Variants in IVD observed in about 807,000 individuals in gnomAD.
The protein encoded by IVD is isovaleryl-CoA dehydrogenase, mitochondrial.
A neutral mutation model predicts 51.3 loss-of-function variants in IVD; 31 were observed. That is an observed-to-expected ratio of 0.60 (90% CI 0.45 to 0.81). The LOEUF is 0.81. IVD is among the 40% of genes least tolerant of loss of function. IVD has a pLI of 0.00. For synonymous variants in IVD, 205 were observed against 219.4 expected (o/e 0.93, Z 0.58); for missense variants, 475 against 552.0 (o/e 0.86, Z 1.40).
chr15:40,435,905 T>G (rs1170332191), downstream of IVD: 2 of 155,758 alleles, frequency 1.3e-5, no homozygotes, highest in Non-Finnish European at 2.8e-5. Context: ...TCCCTCGTCC[T>G]CAGCAGCCAT....
chr15:40,426,564 C>T (rs965435460), downstream of IVD, among the ~76,000 whole-genome samples: 22 of 151,834 alleles, frequency 1.4e-4, no homozygotes, highest in African/African-American at 3.4e-4. Flanking sequence ...AAGAAAAAAC[C>T]ATTCCTGTGG....
chr15:40,425,440 CTATATATATATATA>C (rs72252183), downstream of IVD, among the ~76,000 whole-genome samples: 1 of 137,834 alleles, frequency 7.3e-6, no homozygotes, highest in African/African-American at 3.1e-5. Context: ...TGGACTCATA[CTATATATATATATA>C]TATATATATA....
downstream of IVD, among the ~76,000 whole-genome samples, chr15:40,422,469 G>C (rs989965149): frequency 6.6e-6 from 1 of 151,008 alleles, no homozygotes; most frequent in African/African-American, 2.4e-5. Flanking sequence ...ATTTTTAGTA[G>C]AGACGGGGTT....
At chr15:40,427,754 GA>G (rs1383830657), downstream of IVD, among the ~76,000 whole-genome samples, 1 of 152,164 alleles carries the variant, frequency 6.6e-6, no homozygotes, top group African/African-American at 2.4e-5. Context: ...CCTGAAATGA[GA>G]AAAGGGTAGT....
intron 1 of IVD, chr15:40,406,212 G>C (rs1217409705): frequency 1.3e-6 from 2 of 1,519,688 alleles, no homozygotes; most frequent in Non-Finnish European, 1.8e-6. Flanking sequence ...ACTGCTGGAA[G>C]TAGAGAGGAG....
rs186670312 is a variant in IVD at position 40,420,102 on chromosome 15, C to G, written c.*1839C>G. ...TGGGCAACAGAGTGAGACTCTGTCTCAAAAAATAATAATAAAATAAATGAA... is the reference window on the plus strand; with the variant it reads ...TGGGCAACAGAGTGAGACTCTGTCTGAAAAAATAATAATAAAATAAATGAA... On this transcript the variant is annotated 3_prime_UTR_variant, in exon 12 of 12. Coordinates refer to ENST00000487418, the MANE Select transcript of IVD (RefSeq NM_002225.5). 1.9e-4 allele frequency: 188 copies of G among 983,730 alleles called. No homozygotes were observed. Among genetic ancestry groups the G allele is most frequent in the Non-Finnish European group, 2.1e-4 (178 of 828,494 alleles). The allele number at this position is 983,730 out of a possible 1,614,324, so 60.9% of individuals were successfully genotyped here. A position where few individuals can be genotyped will look rare whatever the true frequency, so the allele number is the denominator to read the frequency against.
downstream of IVD, chr15:40,424,307 G>A (rs1259934763): frequency 1.4e-5 from 10 of 723,182 alleles, no homozygotes; most frequent in African/African-American, 1.9e-5. Context: ...CTGAATGTTC[G>A]TGTTCTTGTT....
At chr15:40,435,339 G>C in intron 8 of IVD, 1 of 948,832 alleles carries the variant, frequency 1.1e-6, no homozygotes, top group Non-Finnish European at 1.3e-6. Context: ...CGGGGAAAGA[G>C]ATGGTAGAGC....
At chr15:40,429,378 C>A (rs1304763053), downstream of IVD, among the ~76,000 whole-genome samples, 1 of 152,218 alleles carries the variant, frequency 6.6e-6, no homozygotes, top group Admixed American at 6.5e-5. Flanking sequence ...AGACTAGTAA[C>A]AGTACGGGGC....
At chr15:40,427,284 C>T (rs936410926), downstream of IVD, among the ~76,000 whole-genome samples, 9 of 152,230 alleles carry the variant, frequency 5.9e-5, no homozygotes, top group Admixed American at 1.3e-4. Context: ...GCCTTGTGCC[C>T]GTCCAGGAGC....
downstream of IVD, among the ~76,000 whole-genome samples, chr15:40,421,969 A>T (rs1232198686): frequency 2.0e-5 from 3 of 152,210 alleles, no homozygotes; most frequent in Non-Finnish European, 4.4e-5. Flanking sequence ...CCAGGTGGCC[A>T]TCTGTCGCGA....
At position 40,434,038 on chromosome 15, in the gene IVD, G is replaced by A. The variant is rs1893132954; in HGVS notation, c.780+124G>A. 8 of 390,040 alleles carry A rather than the reference G, an allele frequency of 2.1e-5. No individual in the cohort carries two copies. In the Admixed American group the frequency reaches 2.4e-4, roughly 12 times the overall value. The allele number at this position is 390,040 out of a possible 1,614,324, so 24.2% of individuals were successfully genotyped here. A position where few individuals can be genotyped will look rare whatever the true frequency, so the allele number is the denominator to read the frequency against. On this transcript the variant is annotated intron_variant, in intron 8 of 8. Coordinates refer to the IVD transcript ENST00000473112. ...TCTCTGTGGCCACAGTGCAGGGCAA[G>A]GATCACACACCTGAAAACCTTCAGG...
chr15:40,419,154 A>C lies in IVD; in HGVS notation c.*891A>C, dbSNP rs762571908. 17 of 1,289,194 alleles carry C rather than the reference A, an allele frequency of 1.3e-5. No individual in the cohort carries two copies. The highest frequency in any genetic ancestry group is 1.7e-5 in the Non-Finnish European group (17 of 988,824). The allele number at this position is 1,289,194 out of a possible 1,614,324, so 79.9% of individuals were successfully genotyped here. On this transcript the variant is annotated 3_prime_UTR_variant, in exon 12 of 12. Coordinates refer to ENST00000487418, the MANE Select transcript of IVD (RefSeq NM_002225.5). ...TCTTCAAAAAACAAAACAAAACAAA[A>C]AAACCCTGGCCCTTGTTTCTTCCAG... is the stretch of plus-strand genomic sequence containing the variant.
At chr15:40,415,526 A>G (rs1311833751) in intron 9 of IVD, 44 bp downstream of exon 9, 2 of 1,549,522 alleles carry the variant, frequency 1.3e-6, no homozygotes, top group Non-Finnish European at 1.8e-6. Flanking sequence ...CAACTGGGCT[A>G]AAGTTTTCTT....
intron 7 of IVD, among the ~76,000 whole-genome samples, chr15:40,430,452 G>T (rs987422567): frequency 6.6e-6 from 1 of 152,218 alleles, no homozygotes; most frequent in African/African-American, 2.4e-5. Flanking sequence ...GTCAGTTCCA[G>T]ATTTGGATCT....
chr15:40,434,596 C>A (rs1893162773), intron 8 of IVD, among the ~76,000 whole-genome samples: 1 of 152,196 alleles, frequency 6.6e-6, no homozygotes, highest in African/African-American at 2.4e-5. Context: ...GAGGAGACAA[C>A]TTGGAGTGCA....
rs757778820 is a variant in IVD at position 40,411,607 on chromosome 15, T to G, written c.603T>G (p.Asp201Glu). ...AGTTCTGGATCACTAATGGCCCTGA[T>G]GCTGACGTCCTGATTGTCTATGCCA... ...GNKFWITNGP[D>E]ADVLIVYAKT... Residue 201 changes from aspartate (D) to glutamate (E), a missense_variant, in exon 6 of 12, where the codon GAT becomes GAG. By Grantham distance (45) the Asp-to-Glu change is conservative. Coordinates refer to ENST00000487418, the MANE Select transcript of IVD (RefSeq NM_002225.5). 2.5e-6 allele frequency: 4 copies of G among 1,614,232 alleles called. No individual in the cohort carries two copies. Among genetic ancestry groups the G allele is most frequent in the Non-Finnish European group, 3.4e-6 (4 of 1,180,034 alleles).
chr15:40,415,401 G>C lies in IVD; in HGVS notation c.879G>C (p.Gly293=). 2.5e-6 allele frequency: 4 copies of C among 1,613,974 alleles called. No homozygotes were observed. Among genetic ancestry groups the C allele is most frequent in the Non-Finnish European group, 3.4e-6 (4 of 1,179,888 alleles). Residue 293 remains glycine (G), a splice_region_variant and synonymous_variant, in exon 9 of 12, where the codon GGG becomes GGC. Transcript: ENST00000487418. Reference sequence around the variant, plus strand: ...ACGGGGCCTTTCTCCTTTCTGACAGGCTCATGCAAGCGGTCCTGGACCACA... The same window carrying C: ...ACGGGGCCTTTCTCCTTTCTGACAGCCTCATGCAAGCGGTCCTGGACCACA... ...ERLVLAGGPL[G]LMQAVLDHTI... is the part of the protein sequence containing the mutation.
chr15:40,424,047 C>A, downstream of IVD: 1 of 792,222 alleles, frequency 1.3e-6, no homozygotes, highest in Non-Finnish European at 1.7e-6. Flanking sequence ...CCCTCACCCA[C>A]CACCCAGCCA....
Sources: gnomAD v4.1 joint callset for allele counts (sites outside exome capture counted in the v4.1 genomes callset) on GRCh38, gnomAD v4.1.1 for gene constraint, MANE v1.5 for transcripts, NCBI Gene and HGNC (gene_info 2026-07-23, HGNC 2026-07-21) for gene names.